The following AAGAB variants were observed in gnomAD, a reference collection of about 807,000 sequenced individuals.
AAGAB encodes alpha- and gamma-adaptin-binding protein p34.
AAGAB carries 38 observed loss-of-function variants against 44.1 expected under a neutral mutation model. The ratio of observed to expected loss-of-function variants is 0.86; its 90% confidence interval spans 0.67 to 1.13. The LOEUF (loss-of-function observed/expected upper bound fraction) is 1.13. Among genes scored for constraint, AAGAB ranks in the 50% most tolerant of loss-of-function variants. The pLI is 0.00. For synonymous variants in AAGAB, 131 were observed against 131.8 expected (o/e 0.99, Z 0.04); for missense variants, 450 against 373.8 (o/e 1.20, Z -1.68).
intron 1 of AAGAB, among the ~76,000 whole-genome samples, chr15:67,249,317 G>A (rs1377616955): frequency 2.6e-5 from 4 of 152,148 alleles, no homozygotes; most frequent in Non-Finnish European, 5.9e-5. Context: ...TTACAGGCGT[G>A]AGCCACCATG....
At chr15:67,214,645 CTT>C (rs542501628) in intron 5 of AAGAB, among the ~76,000 whole-genome samples, 2 of 146,836 alleles carry the variant, frequency 1.4e-5, no homozygotes, top group African/African-American at 2.5e-5. Context: ...TAAGTCCTTA[CTT>C]TTTTTTTTTT....
chr15:67,204,130 T>C lies in AAGAB; in HGVS notation c.734A>G (p.Asp245Gly). 6.2e-7 allele frequency: 1 copy of C among 1,608,408 alleles called. No homozygotes were observed. The highest frequency in any genetic ancestry group is 1.1e-5 in the South Asian group (1 of 90,800). Residue 245 changes from aspartate to glycine, a missense_variant, in exon 8 of 10, where the codon GAT becomes GGT. Transcript: ENST00000261880. ...DSIVDPMLDL[D>G]IQELASLTTG... ...GGTAAGACTGGCTAATTCTTGAATA[T>C]CCAGATCTAACATGGGATCTGAAAT...
chr15:67,222,282 A>ACACACACACACACCC (rs796412643), intron 5 of AAGAB, among the ~76,000 whole-genome samples: 30 of 139,850 alleles, frequency 2.1e-4, no homozygotes, highest in Non-Finnish European at 4.1e-4. Flanking sequence ...ACACACACAC[A>ACACACACACACACCC]CCCTCCACCC....
intron 5 of AAGAB, among the ~76,000 whole-genome samples, chr15:67,214,829 A>G (rs1448330583): frequency 6.6e-6 from 1 of 151,922 alleles, no homozygotes; most frequent in Non-Finnish European, 1.5e-5. Context: ...TTTAGTGGAG[A>G]TGGGGTTTCA....
intron 5 of AAGAB, among the ~76,000 whole-genome samples, chr15:67,212,834 G>T (rs1055525352): frequency 6.6e-6 from 1 of 152,146 alleles, no homozygotes; most frequent in African/African-American, 2.4e-5. Flanking sequence ...CCATCCACAT[G>T]CACTCACTGT....
rs745571737 is a variant in AAGAB, at chr15:67,231,765, C to T, written c.535+49G>A. The stretch of plus-strand genomic sequence containing the variant: ...CCACATATATCTCAATAATTTAAAA[C>T]TTACAAGGAACAAGAGGAAAAAAAT... On this transcript the variant is annotated intron_variant, in intron 5 of 9. Coordinates refer to ENST00000261880, the MANE Select transcript of AAGAB (RefSeq NM_024666.5). The T allele has an allele frequency of 2.8e-6, 4 of 1,424,398 alleles. No individual in the cohort carries two copies. The African/African-American group carries it at 5.7e-5, about 20-fold the overall frequency. 88.2% of individuals were successfully genotyped at this position (1,424,398 alleles called of 1,614,324 possible). A position where few individuals can be genotyped will look rare whatever the true frequency, so the allele number is the denominator to read the frequency against.
chr15:67,249,063 C>A (rs1386372735), intron 1 of AAGAB, among the ~76,000 whole-genome samples: 1 of 151,896 alleles, frequency 6.6e-6, no homozygotes, highest in Non-Finnish European at 1.5e-5. Flanking sequence ...AAGACCGGGT[C>A]TCACTCTGTC....
chr15:67,211,708 G>A (rs1417818893), intron 5 of AAGAB, among the ~76,000 whole-genome samples: 2 of 152,120 alleles, frequency 1.3e-5, no homozygotes, highest in Admixed American at 6.5e-5. Flanking sequence ...TGGACCTTGG[G>A]TAATTTTCAA....
intron 5 of AAGAB, among the ~76,000 whole-genome samples, chr15:67,216,123 A>C (rs1242723403): frequency 6.6e-6 from 1 of 152,118 alleles, no homozygotes; most frequent in Non-Finnish European, 1.5e-5. Flanking sequence ...TCATTGTAGA[A>C]AATTTGGAAA....
chr15:67,250,154 C>T (rs1964828523), intron 1 of AAGAB, among the ~76,000 whole-genome samples: 1 of 151,998 alleles, frequency 6.6e-6, no homozygotes, highest in African/African-American at 2.4e-5. Context: ...ACAGGTGGAC[C>T]ATACACTTTC....
chr15:67,235,967 A>T lies in AAGAB; in HGVS notation c.451+12T>A. ...TAAGTGCCATATTTTCTCCTAACAC[A>T]TAAACACTTACCATCCTCCTCAGGC... On this transcript the variant is annotated intron_variant, in intron 4 of 9. Transcript: ENST00000261880. The T allele has an allele frequency of 6.3e-7, 1 of 1,580,572 alleles. No individual in the cohort carries two copies. The highest frequency in any genetic ancestry group is 8.7e-7 in the Non-Finnish European group (1 of 1,154,076).
chr15:67,244,596 A>G (rs1361695875), intron 1 of AAGAB, among the ~76,000 whole-genome samples: 2 of 152,166 alleles, frequency 1.3e-5, no homozygotes, highest in African/African-American at 4.8e-5. Flanking sequence ...TGAATCCAGG[A>G]ATGTGAGACA....
chr15:67,219,201 T>C (rs1342135050), intron 5 of AAGAB, among the ~76,000 whole-genome samples: 1 of 152,238 alleles, frequency 6.6e-6, no homozygotes, highest in South Asian at 2.1e-4. Context: ...ATTTTCCCCC[T>C]AATTTTGACA....
At chr15:67,235,466 T>A (rs890223284) in intron 4 of AAGAB, among the ~76,000 whole-genome samples, 1 of 152,076 alleles carries the variant, frequency 6.6e-6, no homozygotes, top group Non-Finnish European at 1.5e-5. Context: ...AAATAGAAGG[T>A]CCAGCAATAG....
chr15:67,227,913 TG>T (rs1243502304), intron 5 of AAGAB, among the ~76,000 whole-genome samples: 4 of 152,150 alleles, frequency 2.6e-5, no homozygotes, highest in Non-Finnish European at 5.9e-5. Flanking sequence ...TTTTGTTTTT[TG>T]GTTAACAGCA....
At chr15:67,216,497 C>T (rs1963953537) in intron 5 of AAGAB, among the ~76,000 whole-genome samples, 1 of 133,420 alleles carries the variant, frequency 7.5e-6, no homozygotes, top group African/African-American at 2.8e-5. Context: ...ACCAAAGATA[C>T]GAATCAATAC....
chr15:67,220,885 A>C (rs1461591088), intron 5 of AAGAB, among the ~76,000 whole-genome samples: 2 of 152,180 alleles, frequency 1.3e-5, no homozygotes, highest in African/African-American at 4.8e-5. Flanking sequence ...ATCATCTCTT[A>C]ATATAAAGTA....
chr15:67,246,275 C>T (rs140373259), intron 1 of AAGAB, among the ~76,000 whole-genome samples: 11 of 150,568 alleles, frequency 7.3e-5, no homozygotes, highest in Non-Finnish European at 1.5e-4. Flanking sequence ...CAGCTACTTG[C>T]GGTGGGGTCG....
chr15:67,232,934 T>A (rs1244337839), intron 4 of AAGAB: 1 of 156,120 alleles, frequency 6.4e-6, no homozygotes, highest in Non-Finnish European at 1.4e-5. Context: ...AAGAATATTC[T>A]AGAAACTAAA....
Sources: gnomAD v4.1 joint callset for allele counts (sites outside exome capture counted in the v4.1 genomes callset) on GRCh38, gnomAD v4.1.1 for gene constraint, MANE v1.5 for transcripts, NCBI Gene and HGNC (gene_info 2026-07-23, HGNC 2026-07-21) for gene names.